Variants in FMN1 observed in about 807,000 individuals in gnomAD.
FMN1 encodes formin-1.
In FMN1, 110 loss-of-function variants were observed where a neutral mutation model predicts 132.4. That is an observed-to-expected ratio of 0.83 (90% CI 0.71 to 0.97). FMN1 has a LOEUF of 0.97. Ranked by LOEUF, FMN1 falls within the 50% of genes least tolerant of loss-of-function variation. FMN1 has a pLI of 0.00. For synonymous variants in FMN1, 722 were observed against 651.7 expected (o/e 1.11, Z -1.64); for missense variants, 1,792 against 1,705.3 (o/e 1.05, Z -0.90).
At chr15:32,807,142 A>G (rs2057710369) in intron 17 of FMN1, among the ~76,000 whole-genome samples, 1 of 152,194 alleles carries the variant, frequency 6.6e-6, no homozygotes, top group Non-Finnish European at 1.5e-5. Context: ...TCCTGAAAAA[A>G]CTTTATATTT....
intron 17 of FMN1, among the ~76,000 whole-genome samples, chr15:32,855,391 T>C (rs962978713): frequency 2.6e-5 from 4 of 152,114 alleles, no homozygotes; most frequent in African/African-American, 7.2e-5. Flanking sequence ...GTTTCCCTCA[T>C]ATAAATTCCC....
At chr15:33,006,731 C>G (rs1435317074) in intron 7 of FMN1, among the ~76,000 whole-genome samples, 1 of 152,250 alleles carries the variant, frequency 6.6e-6, no homozygotes, top group African/African-American at 2.4e-5. Context: ...ATAATCCTGT[C>G]ATTTGCTACA....
intron 9 of FMN1, among the ~76,000 whole-genome samples, chr15:32,941,448 C>A (rs1349623429): frequency 6.6e-6 from 1 of 152,180 alleles, no homozygotes; most frequent in East Asian, 1.9e-4. Flanking sequence ...AATGTGCACA[C>A]TTCATTATAA....
At chr15:33,017,343 T>C (rs2140993525) in intron 6 of FMN1, among the ~76,000 whole-genome samples, 1 of 152,304 alleles carries the variant, frequency 6.6e-6, no homozygotes, top group South Asian at 2.1e-4. Context: ...GGGTCAACTG[T>C]AACAAATGTA....
At chr15:33,189,903 T>C (rs1344032543) in intron 2 of FMN1, among the ~76,000 whole-genome samples, 1 of 152,178 alleles carries the variant, frequency 6.6e-6, no homozygotes, top group Non-Finnish European at 1.5e-5. Flanking sequence ...ATCAACAAAC[T>C]ACATGGACTC....
chr15:33,034,295 G>A (rs2036088328), intron 6 of FMN1, among the ~76,000 whole-genome samples: 1 of 152,018 alleles, frequency 6.6e-6, no homozygotes, highest in Non-Finnish European at 1.5e-5. Context: ...TGCTTCTATT[G>A]CTCAGGTCAA....
chr15:33,022,611 G>A (rs345847), intron 6 of FMN1, among the ~76,000 whole-genome samples: 59,979 of 151,942 alleles, frequency 0.39, 12,155 homozygotes, highest in Admixed American at 0.48. Flanking sequence ...ACACAGACAA[G>A]TACCAAAGCA....
In FMN1 at chr15:32,969,049, T is replaced by C. The variant is rs61739379; in HGVS notation, c.2652A>G (p.Gly884=). 8,475 of 1,440,052 alleles carry C rather than the reference T, an allele frequency of 5.9e-3. 258 individuals are homozygous for C. The African/African-American group carries it at 0.084, about 14-fold the overall frequency. 89.2% of individuals were successfully genotyped at this position (1,440,052 alleles called of 1,614,324 possible). A position where few individuals can be genotyped will look rare whatever the true frequency, so the allele number is the denominator to read the frequency against. ...GAGGTGCGGGAGACAAAGATCCAAG[T>C]CCTGAGGGGAGGGGCGGAGGGGGAG... ...SIPPPPPLPS[G]LGSLSPAPPM... is the part of the protein sequence containing the mutation. Residue 884 remains glycine, a synonymous_variant, in exon 8 of 21, where the codon GGA becomes GGG. Coordinates refer to ENST00000616417, the MANE Select transcript of FMN1 (RefSeq NM_001277313.2).
intron 18 of FMN1, 95 bp downstream of exon 18, chr15:32,804,186 A>G (rs1335500910): frequency 1.1e-6 from 1 of 885,078 alleles, no homozygotes; most frequent in African/African-American, 1.7e-5. Context: ...TGTTTTGGAG[A>G]TAGAACTGCA....
chr15:32,922,428 T>A (rs921269522), intron 10 of FMN1, among the ~76,000 whole-genome samples: 1 of 152,188 alleles, frequency 6.6e-6, no homozygotes, highest in African/African-American at 2.4e-5. Context: ...ACCATAGAAA[T>A]TCCTGGCAAA....
intron 13 of FMN1, 143 bp downstream of exon 13, chr15:32,901,768 C>T: frequency 1.7e-6 from 1 of 576,910 alleles, no homozygotes; most frequent in Non-Finnish European, 2.8e-6. Context: ...CACACACGGG[C>T]AAGATAATCA....
intron 6 of FMN1, among the ~76,000 whole-genome samples, chr15:33,011,224 T>C (rs2034700142): frequency 6.6e-6 from 1 of 152,242 alleles, no homozygotes; most frequent in African/African-American, 2.4e-5. Context: ...GCTAATAAGA[T>C]AGAATAGACA....
chr15:32,950,018 CATATAT>C (rs369942861), intron 9 of FMN1, among the ~76,000 whole-genome samples: 1 of 3,926 alleles, frequency 2.5e-4, no homozygotes, highest in African/African-American at 4.7e-4. Flanking sequence ...TATATATACA[CATATAT>C]ATATATATAC....
At chr15:33,014,639 G>A (rs545815830) in intron 6 of FMN1, among the ~76,000 whole-genome samples, 55 of 151,772 alleles carry the variant, frequency 3.6e-4, no homozygotes, top group African/African-American at 1.3e-3. Context: ...CAACATTTTG[G>A]AGGAAAAAAA....
intron 8 of FMN1, among the ~76,000 whole-genome samples, chr15:32,966,502 G>A (rs1241959468): frequency 6.6e-6 from 1 of 152,090 alleles, no homozygotes; most frequent in African/African-American, 2.4e-5. Context: ...GAGAGAAAGA[G>A]GAGGAGGAAA....
At position 32,964,246 on chromosome 15, in the gene FMN1, G is replaced by A. The variant is rs1226621776; in HGVS notation, c.2999C>T (p.Thr1000Ile). 3.2e-6 allele frequency: 5 copies of A among 1,584,908 alleles called. No individual in the cohort carries two copies. The South Asian group carries it at 4.7e-5, about 15-fold the overall frequency. Residue 1000 changes from threonine to isoleucine, a missense_variant, in exon 9 of 21, where the codon ACA becomes ATA. Physicochemically the swap from Thr to Ile is moderately conservative, Grantham distance 89 (BLOSUM62 -1). Coordinates refer to ENST00000616417, the MANE Select transcript of FMN1 (RefSeq NM_001277313.2). ...TTCTAAGGAGTCCCATAAGGTTGGT[G>A]TAGCATTTTGGCTTAAAAGAGAAAA... The part of the protein sequence containing the change: ...IQISDRSQNA[T>I]PTLWDSLEEP...
chr15:33,122,404 AAGTAAGGT>A lies in FMN1; in HGVS notation c.1867+30636_1867+30643del, dbSNP rs147619217. ...CCCAAAAAGTACATGCCTGGTGGGA[AAGTAAGGT>A]AGGTCAGAGTAGGTTTTATAAAATT... On this transcript the variant is annotated intron_variant, in intron 4 of 20. Transcript: ENST00000616417. 6.9e-3 allele frequency among the ~76,000 whole-genome samples: 1,051 copies of A among 152,348 alleles called. 14 individuals are homozygous for A. The highest frequency in any genetic ancestry group is 0.024 in the African/African-American group (995 of 41,586).
intron 3 of FMN1, among the ~76,000 whole-genome samples, chr15:33,175,654 C>A (rs1408534715): frequency 1.3e-5 from 2 of 152,118 alleles, no homozygotes; most frequent in Non-Finnish European, 2.9e-5. Flanking sequence ...TCTGGCCTGA[C>A]AACTGCTAGG....
At chr15:32,966,044 C>T (rs1034741926) in intron 8 of FMN1, among the ~76,000 whole-genome samples, 14 of 152,012 alleles carry the variant, frequency 9.2e-5, no homozygotes, top group Admixed American at 3.3e-4. Context: ...AGTGAGCATG[C>T]GGCATGTTAA....
Sources: gnomAD v4.1 joint callset for allele counts (sites outside exome capture counted in the v4.1 genomes callset) on GRCh38, gnomAD v4.1.1 for gene constraint, MANE v1.5 for transcripts, NCBI Gene and HGNC (gene_info 2026-07-23, HGNC 2026-07-21) for gene names.